ADCY7: variants seen among roughly 807,000 people sequenced by gnomAD.
The protein encoded by ADCY7 is adenylate cyclase 7, also known as adenylate cyclase type 7.
Under a neutral mutation model 120.6 loss-of-function variants are expected in ADCY7, and 72 were observed. That is an observed-to-expected ratio of 0.60 (90% CI 0.49 to 0.73). The LOEUF is 0.73. Ranked by LOEUF, ADCY7 falls within the 30% of genes least tolerant of loss-of-function variation. The pLI is 0.00. For missense variants in ADCY7, 1,227 were observed against 1,486.0 expected, an observed-to-expected ratio of 0.83 and a Z score of 2.87; for synonymous variants, 661 against 628.0, an observed-to-expected ratio of 1.05 and a Z score of -0.78.
At chr16:50,303,977 C>T (rs2035898849) in intron 10 of ADCY7, among the ~76,000 whole-genome samples, 1 of 152,098 alleles carries the variant, frequency 6.6e-6, no homozygotes, top group African/African-American at 2.4e-5. Flanking sequence ...CAGGGACTCT[C>T]TGGTTCCAAG....
chr16:50,260,681 C>T (rs1314881015), intron 1 of ADCY7, among the ~76,000 whole-genome samples: 7 of 152,202 alleles, frequency 4.6e-5, no homozygotes, highest in African/African-American at 9.6e-5. Context: ...GAAGGCTTGA[C>T]TGGGGCTGGA....
At position 50,313,033 on chromosome 16, in the gene ADCY7, C is replaced by G; in HGVS notation, c.2748C>G (p.Asp916Glu). 1 of 1,614,110 alleles carries G rather than the reference C, an allele frequency of 6.2e-7. No homozygotes were observed. The highest frequency in any genetic ancestry group is 8.5e-7 in the Non-Finnish European group (1 of 1,179,962). The change falls in exon 22 of 26, where the codon GAC (aspartate) becomes GAG (glutamate). Residue 916 changes from aspartate to glutamate, a missense_variant. Asp to Glu is a conservative substitution (Grantham distance 45). Coordinates refer to ENST00000673801, the MANE Select transcript of ADCY7 (RefSeq NM_001114.5). Reference protein sequence around the residue: ...RLLNEIIADFDELLLKPKFSG... With the variant: ...RLLNEIIADFEELLLKPKFSG... ...TCAATGAGATCATTGCCGACTTCGA[C>G]GAGGTACAGCCTCTAGCCCAGCCTT...
rs1555525932 is a variant in ADCY7 at position 50,311,813 on chromosome 16, C to CCG, written c.2448+28_2448+29insGC. ...TAAGGAGGCTGGCCCCCCCCCCCCC[C>CCG]CCAAGCTCTGCCCACTTTTCCTCAC... is the stretch of plus-strand genomic sequence containing the variant. On this transcript the variant is annotated intron_variant, in intron 20 of 25. Transcript: ENST00000673801. 29 of 1,314,922 alleles carry CCG rather than the reference C, an allele frequency of 2.2e-5. No individual in the cohort carries two copies. The African/African-American group carries it at 2.4e-4, about 11-fold the overall frequency. 81.5% of individuals were successfully genotyped at this position (1,314,922 alleles called of 1,614,324 possible).
In ADCY7 at chr16:50,290,582, C is replaced by T; in HGVS notation, c.297C>T (p.Leu99=). 1 of 1,614,192 alleles carries T rather than the reference C, an allele frequency of 6.2e-7. No individual in the cohort carries two copies. Among genetic ancestry groups the T allele is most frequent in the East Asian group, 2.2e-5 (1 of 44,888 alleles). The change falls in exon 3 of 26, where the codon CTC becomes CTT. Residue 99 remains leucine, a synonymous_variant. Coordinates refer to ENST00000673801, the MANE Select transcript of ADCY7 (RefSeq NM_001114.5). ...LRRWLRALAL[L]TWACLVALGY... ...GCTGGCTCAGGGCCTTGGCGCTGCT[C>T]ACCTGGGCCTGCTTGGTGGCGCTGG...
chr16:50,279,722 C>CTCCCTGGGCAGTCACTAACTAGCA (rs2034131082), intron 1 of ADCY7: 1 of 152,172 alleles, frequency 6.6e-6, no homozygotes, highest in Non-Finnish European at 1.5e-5. Context: ...TGGACGAACT[C>CTCCCTGGGCAGTCACTAACTAGCA]TCCCTGGGCA....
Position 50,316,969 on chromosome 16 carries a change from G to A in ADCY7, c.*1464G>A, listed in dbSNP as rs962622835. On this transcript the variant is annotated 3_prime_UTR_variant, in exon 26 of 26. Coordinates refer to ENST00000673801, the MANE Select transcript of ADCY7 (RefSeq NM_001114.5). ...GAGCCTTTACAAGATGATTATACAG[G>A]GTTGCAGATTGGGTGACTGACCAGA... 3 of 152,870 alleles carry A rather than the reference G, an allele frequency of 2.0e-5. No homozygotes were observed. The highest frequency in any genetic ancestry group is 7.2e-5 in the African/African-American group (3 of 41,550). The allele number at this position is 152,870 out of a possible 1,614,324, so 9.5% of individuals were successfully genotyped here.
At chr16:50,256,284 A>C (rs1596794176) in intron 1 of ADCY7, among the ~76,000 whole-genome samples, 1 of 152,366 alleles carries the variant, frequency 6.6e-6, no homozygotes, top group East Asian at 1.9e-4. Flanking sequence ...GCATTTTTCA[A>C]AAGAACCCAT....
intron 2 of ADCY7, 65 bp downstream of exon 2, chr16:50,288,415 C>A: frequency 7.1e-7 from 1 of 1,405,530 alleles, no homozygotes; most frequent in South Asian, 1.4e-5. Flanking sequence ...GCTATCTTCT[C>A]TTAGCCTCTT....
At position 50,288,308 on chromosome 16, in the gene ADCY7, C is replaced by T; in HGVS notation, c.129C>T (p.Ala43=). The part of the protein sequence containing the change: ...PLLLTLLLVA[A]TACVALIIIA... ...TGCTCACGCTCCTGCTGGTGGCCGC[C>T]ACTGCCTGCGTGGCCCTCATCATCA... Residue 43 remains alanine, a synonymous_variant, in exon 2 of 26, where the codon GCC becomes GCT. Coordinates refer to ENST00000673801, the MANE Select transcript of ADCY7 (RefSeq NM_001114.5). 6.4e-7 allele frequency: 1 copy of T among 1,550,928 alleles called. No homozygotes were observed. The highest frequency in any genetic ancestry group is 8.7e-7 in the Non-Finnish European group (1 of 1,146,802).
intron 1 of ADCY7, among the ~76,000 whole-genome samples, chr16:50,251,989 T>A (rs1362057807): frequency 6.6e-6 from 1 of 152,226 alleles, no homozygotes; most frequent in Non-Finnish European, 1.5e-5. Context: ...GCTTTGGGGC[T>A]CCAGCCTGCT....
chr16:50,278,362 T>C (rs545804758), intron 1 of ADCY7, among the ~76,000 whole-genome samples: 4 of 152,286 alleles, frequency 2.6e-5, no homozygotes, highest in African/African-American at 7.2e-5. Context: ...TTAACAGTCA[T>C]TTAGATTGCC....
chr16:50,294,342 C>T (rs1279461426), intron 6 of ADCY7, among the ~76,000 whole-genome samples: 5 of 152,146 alleles, frequency 3.3e-5, no homozygotes, highest in South Asian at 2.1e-4. Flanking sequence ...GGGAAGGCTC[C>T]GGGCTGCCTG....
At chr16:50,259,421 T>G (rs1282001156) in intron 1 of ADCY7, among the ~76,000 whole-genome samples, 1 of 152,190 alleles carries the variant, frequency 6.6e-6, no homozygotes, top group East Asian at 1.9e-4. Flanking sequence ...GCTGCCAAGT[T>G]TTTCAAAGGA....
chr16:50,249,817 C>A (rs1027753084), intron 1 of ADCY7, among the ~76,000 whole-genome samples: 1 of 152,216 alleles, frequency 6.6e-6, no homozygotes, highest in Non-Finnish European at 1.5e-5. Context: ...GGGCAGCCTG[C>A]GGCCCAGCCC....
chr16:50,276,273 G>C (rs1178065167), intron 1 of ADCY7, among the ~76,000 whole-genome samples: 2 of 152,214 alleles, frequency 1.3e-5, no homozygotes, highest in Non-Finnish European at 2.9e-5. Flanking sequence ...CTACCTCCCA[G>C]AGGCTGGGCA....
chr16:50,287,527 A>T (rs2034654300), intron 1 of ADCY7, among the ~76,000 whole-genome samples: 1 of 151,792 alleles, frequency 6.6e-6, no homozygotes, highest in Non-Finnish European at 1.5e-5. Flanking sequence ...CATCTCTACA[A>T]AAGAGAATTT....
At chr16:50,258,418 TC>T (rs939003835) in intron 1 of ADCY7, among the ~76,000 whole-genome samples, 5 of 152,132 alleles carry the variant, frequency 3.3e-5, no homozygotes, top group Admixed American at 3.3e-4. Flanking sequence ...ATGCTCCTTG[TC>T]CCCTGAATCC....
intron 2 of ADCY7, 33 bp from the exon 3 acceptor site, chr16:50,290,424 G>C: frequency 6.2e-7 from 1 of 1,612,958 alleles, no homozygotes; most frequent in Non-Finnish European, 8.5e-7. Flanking sequence ...ACTGGGGAAA[G>C]CCGAGGCATT....
chr16:50,254,012 G>A (rs566939196), intron 1 of ADCY7, among the ~76,000 whole-genome samples: 1 of 152,166 alleles, frequency 6.6e-6, no homozygotes, highest in Non-Finnish European at 1.5e-5. Context: ...CAGGAGCAGG[G>A]TTGAGGCTGG....
Sources: allele counts gnomAD v4.1 joint callset (sites outside exome capture counted in the v4.1 genomes callset), GRCh38; gene constraint gnomAD v4.1.1; transcripts MANE v1.5; gene names NCBI Gene and HGNC (gene_info 2026-07-23, HGNC 2026-07-21).